TNRC6B: variants seen among roughly 807,000 people sequenced by gnomAD.
The protein encoded by TNRC6B is trinucleotide repeat containing adaptor 6B, also known as trinucleotide repeat-containing gene 6B protein.
TNRC6B carries 52 observed loss-of-function variants against 203.6 expected under a neutral mutation model. The observed-to-expected ratio is 0.26, with a 90% CI of 0.20 to 0.32. The LOEUF (loss-of-function observed/expected upper bound fraction) is 0.32. Among genes scored for constraint, TNRC6B ranks in the 10% least tolerant of loss-of-function variants. The pLI, the probability that TNRC6B is intolerant of heterozygous loss-of-function variation, is 1.00. For missense variants in TNRC6B, 1,923 were observed against 2,286.2 expected (o/e 0.84, Z 3.24); for synonymous variants, 838 against 845.7 (o/e 0.99, Z 0.16).
intron 12 of TNRC6B, among the ~76,000 whole-genome samples, chr22:40,296,498 A>T (rs1013517453): frequency 5.9e-4 from 90 of 151,444 alleles, no homozygotes; most frequent in African/African-American, 2.1e-3. Flanking sequence ...CTCCCGGCTA[A>T]TTTTTTTGTA....
chr22:40,056,797 CAAAAAAA>C (rs35657644), intron 1 of TNRC6B, among the ~76,000 whole-genome samples: 1 of 91,962 alleles, frequency 1.1e-5, no homozygotes, highest in Non-Finnish European at 2.4e-5. Context: ...CACCCTGTCT[CAAAAAAA>C]AAAAAAAAAA....
intron 1 of TNRC6B, among the ~76,000 whole-genome samples, chr22:40,205,522 C>T (rs1331049207): frequency 6.6e-6 from 1 of 152,078 alleles, no homozygotes; most frequent in Non-Finnish European, 1.5e-5. Context: ...AACCTAGAAG[C>T]TTTGGGATCT....
At chr22:40,159,424 G>C (rs905193943) in intron 4 of TNRC6B, among the ~76,000 whole-genome samples, 1 of 150,428 alleles carries the variant, frequency 6.6e-6, no homozygotes, top group Non-Finnish European at 1.5e-5. Flanking sequence ...CAGATCACGA[G>C]GTCAGGAGAT....
intron 1 of TNRC6B, among the ~76,000 whole-genome samples, chr22:40,202,290 G>A (rs1448701323): frequency 8.1e-6 from 1 of 123,396 alleles, no homozygotes; most frequent in Non-Finnish European, 1.6e-5. Flanking sequence ...TGGCAGACCT[G>A]TTTTGCAAAT....
rs2071421845 is a variant in TNRC6B, at chr22:40,327,774, A to G, written c.*4533A>G. ...TCTTCTACCACACTCTGGCATAGAT[A>G]CAGGCTTGCTGGTCACCTCTCATTA... On this transcript the variant is annotated 3_prime_UTR_variant, in exon 23 of 23. Coordinates refer to ENST00000454349, the MANE Select transcript of TNRC6B (RefSeq NM_001162501.2). 6.6e-6 allele frequency: 1 copy of G among 152,226 alleles called. No homozygotes were observed. The highest frequency in any genetic ancestry group is 1.5e-5 in the Non-Finnish European group (1 of 68,044). The allele number at this position is 152,226 out of a possible 1,614,324, so 9.4% of individuals were successfully genotyped here. A position where few individuals can be genotyped will look rare whatever the true frequency, so the allele number is the denominator to read the frequency against.
At chr22:40,245,279 C>T (rs994024470) in intron 1 of TNRC6B, among the ~76,000 whole-genome samples, 16 of 151,728 alleles carry the variant, frequency 1.1e-4, no homozygotes, top group South Asian at 6.2e-4. Flanking sequence ...TTAGTAGAGA[C>T]GGGGTTTCAC....
chr22:40,199,687 G>T (rs748760544), intron 1 of TNRC6B, among the ~76,000 whole-genome samples: 1 of 152,120 alleles, frequency 6.6e-6, no homozygotes, highest in Non-Finnish European at 1.5e-5. Context: ...GACAGGTGAC[G>T]AAGCTTACAT....
chr22:40,106,237 CTT>C (rs201593383), intron 1 of TNRC6B: 570 of 156,502 alleles, frequency 3.6e-3, no homozygotes, highest in South Asian at 7.3e-3. Flanking sequence ...TCGAGGTTGT[CTT>C]TTTTTTTTTT....
At chr22:40,270,016 C>A in intron 5 of TNRC6B, 106 bp from the exon 6 acceptor site, 2 of 1,108,306 alleles carry the variant, frequency 1.8e-6, no homozygotes, top group South Asian at 1.7e-5. Flanking sequence ...ATTTACATTT[C>A]TACCAACAGA....
At chr22:40,085,417 T>C (rs2068092447) in intron 1 of TNRC6B, among the ~76,000 whole-genome samples, 1 of 152,222 alleles carries the variant, frequency 6.6e-6, no homozygotes, top group Non-Finnish European at 1.5e-5. Context: ...GGGACCAACA[T>C]AGTATCTGGT....
chr22:40,071,549 C>T (rs1276624469), intron 1 of TNRC6B, among the ~76,000 whole-genome samples: 2 of 152,170 alleles, frequency 1.3e-5, no homozygotes, highest in Non-Finnish European at 2.9e-5. Context: ...CTTATGATAA[C>T]ATGAAACTCC....
chr22:40,134,269 T>G (rs867679930), intron 3 of TNRC6B, among the ~76,000 whole-genome samples: 18 of 152,328 alleles, frequency 1.2e-4, no homozygotes, highest in African/African-American at 4.1e-4. Flanking sequence ...TTTGTACCCT[T>G]GGTACGATGT....
intron 4 of TNRC6B, among the ~76,000 whole-genome samples, chr22:40,169,298 ATTT>A (rs2146365383): frequency 6.6e-6 from 1 of 151,086 alleles, no homozygotes; most frequent in African/African-American, 2.4e-5. Flanking sequence ...CAACCAACTA[ATTT>A]TTGTATTTTT....
chr22:40,166,962 G>A (rs960373944), intron 4 of TNRC6B, among the ~76,000 whole-genome samples: 1 of 151,606 alleles, frequency 6.6e-6, no homozygotes, highest in Non-Finnish European at 1.5e-5. Flanking sequence ...TTTTATATAT[G>A]CACTATGAAA....
rs1274199677 is a variant in TNRC6B at position 40,322,995 on chromosome 22, C to T, written c.5256C>T (p.Gly1752=). The part of the protein sequence containing the change: ...PAAGWQSLET[G]QNQSDPVGPA... ...CGGGGTGGCAGTCGCTGGAGACCGG[C>T]CAGAACCAGTCAGATCCCGTGGGAC... The change falls in exon 23 of 23, where the codon GGC becomes GGT. Residue 1752 remains glycine (G), a synonymous_variant. Transcript: ENST00000454349. 1 of 1,609,430 alleles carries T rather than the reference C, an allele frequency of 6.2e-7. No individual in the cohort carries two copies. Among genetic ancestry groups the T allele is most frequent in the Admixed American group, 1.7e-5 (1 of 59,000 alleles).
rs58240994 is a variant in TNRC6B at position 40,075,156 on chromosome 22, ATTTTTTT to A, written c.-121+30175_-121+30181del. ...TCTGTTCATATATATATATATATATATTTTTTTTTTTTTTTTTTTTTTTCTTACTGAT... is the reference window on the plus strand; with the variant it reads ...TCTGTTCATATATATATATATATATATTTTTTTTTTTTTTTTCTTACTGAT... On this transcript the variant is annotated intron_variant, in intron 1 of 23. Transcript: ENST00000301923. Among the ~76,000 whole-genome samples the A allele has an allele frequency of 9.7e-3, 345 of 35,548 alleles. 2 individuals are homozygous for A. The highest frequency in any genetic ancestry group is 0.028 in the African/African-American group (268 of 9,682). 23.3% of individuals were successfully genotyped at this position (35,548 alleles called of 152,430 possible).
intron 10 of TNRC6B, among the ~76,000 whole-genome samples, chr22:40,280,830 T>C (rs374142847): frequency 5.3e-5 from 8 of 152,208 alleles, no homozygotes; most frequent in Admixed American, 3.9e-4. Flanking sequence ...GCTAGAGTAA[T>C]CAATATTAGA....
At chr22:40,099,265 A>G (rs946106796) in intron 1 of TNRC6B, among the ~76,000 whole-genome samples, 6 of 152,156 alleles carry the variant, frequency 3.9e-5, no homozygotes, top group Admixed American at 3.9e-4. Flanking sequence ...AAAAAAAAAA[A>G]AAGGAAAAAA....
intron 1 of TNRC6B, among the ~76,000 whole-genome samples, chr22:40,235,268 G>GTCT (rs1380079380): frequency 1.3e-5 from 2 of 152,314 alleles, no homozygotes; most frequent in African/African-American, 4.8e-5. Flanking sequence ...TATGTAGATA[G>GTCT]TAGAATTCAT....
Sources: gnomAD v4.1 joint callset for allele counts (sites outside exome capture counted in the v4.1 genomes callset) on GRCh38, gnomAD v4.1.1 for gene constraint, MANE v1.5 for transcripts, NCBI Gene and HGNC (gene_info 2026-07-23, HGNC 2026-07-21) for gene names.